The following NTM variants were observed in gnomAD, a reference collection of about 807,000 sequenced individuals.
NTM encodes the protein neurotrimin, also known as IgLON family member 2.
Under a neutral mutation model 42.1 loss-of-function variants are expected in NTM, and 13 were observed. That is an observed-to-expected ratio of 0.31 (90% CI 0.20 to 0.49). The LOEUF is 0.49. Among genes scored for constraint, NTM ranks in the 20% least tolerant of loss-of-function variants. NTM has a pLI of 0.99. For synonymous variants in NTM, 187 were observed against 179.2 expected (o/e 1.04, Z -0.35); for missense variants, 373 against 452.8 (o/e 0.82, Z 1.60).
At chr11:131,374,707 G>A (rs10750475) in intron 1 of NTM, among the ~76,000 whole-genome samples, 35,524 of 152,046 alleles carry the variant, frequency 0.23, 4,955 homozygotes, top group East Asian at 0.57. Context: ...TTTTCTTGAT[G>A]GGCCAAACAA....
intron 1 of NTM, among the ~76,000 whole-genome samples, chr11:131,396,879 T>C (rs958996806): frequency 1.3e-5 from 2 of 152,148 alleles, no homozygotes; most frequent in Non-Finnish European, 2.9e-5. Context: ...AATTCTGTTA[T>C]TGATTAGCTG....
chr11:131,906,720 A>G lies in NTM; in HGVS notation c.83-4844A>G, dbSNP rs556449760. Among the ~76,000 whole-genome samples the G allele has an allele frequency of 1.7e-4, 26 of 152,136 alleles. No homozygotes were observed. The East Asian group carries it at 4.9e-3, about 29-fold the overall frequency. On this transcript the variant is annotated intron_variant, in intron 1 of 8. Coordinates refer to ENST00000683400, the MANE Select transcript of NTM (RefSeq NM_001352005.2). The stretch of plus-strand genomic sequence containing the variant: ...CATCGCTCTGCTTTATGCATCTCTT[A>G]TAAAGTTTTATGGGTTTAAAGTCCA...
chr11:131,693,654 T>G (rs542305891), intron 1 of NTM, among the ~76,000 whole-genome samples: 1 of 152,290 alleles, frequency 6.6e-6, no homozygotes, highest in Non-Finnish European at 1.5e-5. Flanking sequence ...TCACTTGGTT[T>G]GTCATTTTTC....
chr11:132,047,521 T>C (rs753108511), intron 2 of NTM, among the ~76,000 whole-genome samples: 2 of 152,244 alleles, frequency 1.3e-5, no homozygotes, highest in Non-Finnish European at 2.9e-5. Context: ...CAGCACCTCT[T>C]ATTTATTTTG....
chr11:131,522,940 T>G (rs967541623), intron 1 of NTM, among the ~76,000 whole-genome samples: 5 of 152,244 alleles, frequency 3.3e-5, no homozygotes, highest in African/African-American at 1.2e-4. Context: ...TCTTAAAAGC[T>G]CTGCTGGTGA....
chr11:131,745,807 G>A (rs762430486), intron 1 of NTM, among the ~76,000 whole-genome samples: 1 of 151,988 alleles, frequency 6.6e-6, no homozygotes, highest in Non-Finnish European at 1.5e-5. Flanking sequence ...ATATTTCTTG[G>A]GAAATATTTC....
chr11:132,309,874 G>T (rs1351434090), intron 5 of NTM, among the ~76,000 whole-genome samples: 2 of 152,058 alleles, frequency 1.3e-5, no homozygotes, highest in Non-Finnish European at 2.9e-5. Context: ...TGGCCAACAT[G>T]GTGAAACCCC....
chr11:131,723,285 C>G (rs561305731), intron 1 of NTM, among the ~76,000 whole-genome samples: 56 of 152,334 alleles, frequency 3.7e-4, no homozygotes, highest in African/African-American at 1.3e-3. Context: ...AAGGCAACTG[C>G]AGCCCGCTAT....
intron 4 of NTM, among the ~76,000 whole-genome samples, chr11:132,293,859 C>T (rs192425803): frequency 1.3e-4 from 20 of 152,228 alleles, no homozygotes; most frequent in African/African-American, 4.6e-4. Flanking sequence ...GCTACAGTGG[C>T]AAGTTTAACA....
At chr11:132,088,896 G>C (rs2060060745) in intron 2 of NTM, among the ~76,000 whole-genome samples, 1 of 126,480 alleles carries the variant, frequency 7.9e-6, no homozygotes, top group Admixed American at 7.8e-5. Flanking sequence ...AAGAAAAATG[G>C]GTCCCCTTTA....
chr11:131,812,186 CTCTCTCTCTCTCTCT>C (rs2092760520), intron 1 of NTM, among the ~76,000 whole-genome samples: 1 of 21,138 alleles, frequency 4.7e-5, no homozygotes, highest in South Asian at 9.0e-4. Flanking sequence ...TAGTCAGCCT[CTCTCTCTCTCTCTCT>C]CTCTCTCTCT....
At chr11:132,116,655 G>C (rs1258695946) in intron 2 of NTM, among the ~76,000 whole-genome samples, 1 of 152,194 alleles carries the variant, frequency 6.6e-6, no homozygotes, top group East Asian at 1.9e-4. Context: ...CCAGCACCAG[G>C]AGATATGGAA....
intron 1 of NTM, among the ~76,000 whole-genome samples, chr11:131,625,272 C>G (rs537434422): frequency 6.6e-6 from 1 of 152,226 alleles, no homozygotes; most frequent in African/African-American, 2.4e-5. Flanking sequence ...ATGTGGGGGG[C>G]CACCCTGATA....
At chr11:131,410,123 C>T (rs575823410) in intron 1 of NTM, among the ~76,000 whole-genome samples, 3 of 151,996 alleles carry the variant, frequency 2.0e-5, no homozygotes, top group African/African-American at 4.8e-5. Flanking sequence ...TCAGAGAAAA[C>T]GTCCTATTGG....
chr11:131,903,426 C>G (rs1374942188), intron 1 of NTM, among the ~76,000 whole-genome samples: 1 of 152,212 alleles, frequency 6.6e-6, no homozygotes, highest in Non-Finnish European at 1.5e-5. Context: ...TGAAGATTAA[C>G]ATTGCTGGTT....
intron 2 of NTM, among the ~76,000 whole-genome samples, chr11:132,004,634 T>TCACA (rs1555214611): frequency 1.5e-3 from 162 of 104,624 alleles, no homozygotes; most frequent in African/African-American, 5.0e-3. Context: ...TCTCTCTCTC[T>TCACA]CACACACACA....
intron 1 of NTM, among the ~76,000 whole-genome samples, chr11:131,397,556 G>A (rs907775403): frequency 6.6e-5 from 10 of 152,112 alleles, no homozygotes; most frequent in African/African-American, 2.4e-4. Flanking sequence ...CTTTCTTTGG[G>A]CGGGCATGAG....
chr11:131,424,846 G>T (rs1321123959), intron 1 of NTM, among the ~76,000 whole-genome samples: 3 of 148,716 alleles, frequency 2.0e-5, no homozygotes, highest in Non-Finnish European at 4.5e-5. Context: ...TGGGATTATA[G>T]GCGTGAGCCA....
intron 1 of NTM, among the ~76,000 whole-genome samples, chr11:131,908,596 G>C (rs934307995): frequency 1.3e-5 from 2 of 152,222 alleles, no homozygotes; most frequent in African/African-American, 4.8e-5. Context: ...TGTTTAAGAA[G>C]AGGGGTTGAG....
Sources: allele counts gnomAD v4.1 joint callset (sites outside exome capture counted in the v4.1 genomes callset), GRCh38; gene constraint gnomAD v4.1.1; transcripts MANE v1.5; gene names NCBI Gene and HGNC (gene_info 2026-07-23, HGNC 2026-07-21).